Variants in AFDN observed in about 807,000 individuals in gnomAD.
AFDN encodes the protein afadin, adherens junction formation factor.
Under a neutral mutation model 216.6 loss-of-function variants are expected in AFDN, and 68 were observed. That is an observed-to-expected ratio of 0.31 (90% CI 0.26 to 0.38). The LOEUF is 0.38. Among genes scored for constraint, AFDN ranks in the 10% least tolerant of loss-of-function variants. The pLI, the probability that AFDN is intolerant of heterozygous loss-of-function variation, is 1.00. For missense variants in AFDN, 2,136 were observed against 2,342.0 expected, an observed-to-expected ratio of 0.91 and a Z score of 1.82; for synonymous variants, 868 against 853.7, an observed-to-expected ratio of 1.02 and a Z score of -0.29.
At chr6:167,837,009 G>A (rs1346112333) in intron 1 of AFDN, among the ~76,000 whole-genome samples, 3 of 152,142 alleles carry the variant, frequency 2.0e-5, no homozygotes, top group Non-Finnish European at 4.4e-5. Flanking sequence ...TGACTTCAGT[G>A]AGTTCATAGT....
intron 1 of AFDN, among the ~76,000 whole-genome samples, chr6:167,852,022 T>G (rs1185750021): frequency 1.3e-5 from 2 of 152,198 alleles, no homozygotes; most frequent in African/African-American, 2.4e-5. Flanking sequence ...CAGTTTGTCG[T>G]TCTTAATTTT....
intron 30 of AFDN, chr6:167,954,471 C>T: frequency 2.5e-6 from 4 of 1,602,246 alleles, no homozygotes; most frequent in Non-Finnish European, 3.4e-6. Context: ...ACTGCTATGC[C>T]AGCAATCTCT....
chr6:167,885,894 A>G (rs1786738118), intron 6 of AFDN, among the ~76,000 whole-genome samples: 1 of 152,246 alleles, frequency 6.6e-6, no homozygotes, highest in Admixed American at 6.5e-5. Flanking sequence ...CAGATAACAC[A>G]ATGCTGTGTA....
At chr6:167,893,654 G>C (rs1787882571) in intron 8 of AFDN, 1 of 536,120 alleles carries the variant, frequency 1.9e-6, no homozygotes, top group Non-Finnish European at 3.4e-6. Context: ...GTCTGCATTG[G>C]TTTCTAAAAC....
At chr6:167,966,182 A>T (rs768356713) in intron 32 of AFDN, 137 bp downstream of exon 32, 2 of 1,534,496 alleles carry the variant, frequency 1.3e-6, no homozygotes, top group Non-Finnish European at 1.7e-6. Flanking sequence ...AGCCACCCTC[A>T]GCCAAAGCCA....
intron 11 of AFDN, among the ~76,000 whole-genome samples, chr6:167,902,048 G>C (rs1467389184): frequency 6.9e-6 from 1 of 144,192 alleles, no homozygotes; most frequent in Non-Finnish European, 1.5e-5. Context: ...AGCCGAAATT[G>C]TGCTACTGTA....
rs1241235857 is a variant in AFDN at position 167,917,092 on chromosome 6, A to G, written c.2569A>G (p.Thr857Ala). ...TGTCCTTTATTCTTTTACATAGGCAACGACTTTGCTTACCATGGATAAGTA... is the reference window on the plus strand; with the variant it reads ...TGTCCTTTATTCTTTTACATAGGCAGCGACTTTGCTTACCATGGATAAGTA... ...DCHLSRIVQA[T>A]TLLTMDKYAP... Residue 857 changes from threonine to alanine, a missense_variant, in exon 20 of 34, where the codon ACG (threonine) becomes GCG (alanine). Thr to Ala is a moderately conservative substitution (Grantham distance 58). Around this residue, in one of 8 missense-constraint regions of AFDN, gnomAD observed 162 missense variants for 182.6 expected, o/e 0.89. Coordinates refer to ENST00000683244, the MANE Select transcript of AFDN (RefSeq NM_001386888.1). The G allele has an allele frequency of 6.2e-7, 1 of 1,612,476 alleles. No homozygotes were observed. The highest frequency in any genetic ancestry group is 1.7e-5 in the Admixed American group (1 of 59,630).
In AFDN at chr6:167,911,136, C is replaced by T; in HGVS notation, c.1805C>T (p.Pro602Leu). Residue 602 changes from proline (P) to leucine (L), a missense_variant, in exon 14 of 34, where the codon CCT becomes CTT. Coordinates refer to ENST00000683244, the MANE Select transcript of AFDN (RefSeq NM_001386888.1). ...GCTTCTGGGCCTGAGCTGATACTAC[C>T]TGCAAGCATTGAATTCAGGGAAAGT... ...QDASGPELIL[P>L]ASIEFRESSE... 6.2e-7 allele frequency: 1 copy of T among 1,613,892 alleles called. No individual in the cohort carries two copies. The highest frequency in any genetic ancestry group is 8.5e-7 in the Non-Finnish European group (1 of 1,179,894).
intron 1 of AFDN, among the ~76,000 whole-genome samples, chr6:167,857,613 T>C (rs968484296): frequency 6.6e-6 from 1 of 152,122 alleles, no homozygotes; most frequent in African/African-American, 2.4e-5. Flanking sequence ...ATTACATTTG[T>C]ATTTCCAATA....
rs1283306081 is a variant in AFDN at position 167,911,084 on chromosome 6, C to G, written c.1770-17C>G. 1 of 1,606,468 alleles carries G rather than the reference C, an allele frequency of 6.2e-7. No homozygotes were observed. Among genetic ancestry groups the G allele is most frequent in the African/African-American group, 1.3e-5 (1 of 74,418 alleles). On this transcript the variant is annotated splice_polypyrimidine_tract_variant and intron_variant, in intron 13 of 33. Transcript: ENST00000683244. ...CATGTGACCTTATTTTAAGTGATGT[C>G]AGCTTTCTTCTTTTAGAACACAGGA...
Position 167,947,884 on chromosome 6 carries a change from A to T in AFDN, c.3585A>T (p.Ala1195=). Residue 1195 remains alanine, a synonymous_variant, in exon 28 of 34, where the codon GCA becomes GCT. Transcript: ENST00000683244. ...CTCCTAGTCCTGGAGGGAAAAGTGC[A>T]TATGCCTCTGGAACAACAGCGAAGA... ...NQPPSPGGKS[A]YASGTTAKIT... 6.2e-7 allele frequency: 1 copy of T among 1,613,934 alleles called. No homozygotes were observed. Among genetic ancestry groups the T allele is most frequent in the Non-Finnish European group, 8.5e-7 (1 of 1,179,902 alleles).
intron 29 of AFDN, among the ~76,000 whole-genome samples, chr6:167,949,012 A>G (rs1232036258): frequency 6.6e-6 from 1 of 152,226 alleles, no homozygotes; most frequent in Non-Finnish European, 1.5e-5. Flanking sequence ...GTAGAGGGGA[A>G]AGGGGTGGCA....
chr6:167,934,515 G>A (rs77245885), intron 23 of AFDN, among the ~76,000 whole-genome samples: 3,866 of 152,292 alleles, frequency 0.025, 71 homozygotes, highest in Non-Finnish European at 0.033. Flanking sequence ...ACCCAGAGGA[G>A]AGCAGCGAGC....
chr6:167,963,247 GC>G, intron 31 of AFDN: 4 of 1,063,138 alleles, frequency 3.8e-6, no homozygotes, highest in Non-Finnish European at 1.1e-6. Flanking sequence ...TGTGTGTGTG[GC>G]CGACGCCCTC....
chr6:167,930,534 C>A (rs978564910), intron 23 of AFDN, among the ~76,000 whole-genome samples: 2 of 152,212 alleles, frequency 1.3e-5, no homozygotes, highest in Non-Finnish European at 2.9e-5. Flanking sequence ...GCAGCGGGCC[C>A]TGTGCACAGG....
At chr6:167,949,454 C>G (rs1266253594) in intron 29 of AFDN, among the ~76,000 whole-genome samples, 1 of 152,134 alleles carries the variant, frequency 6.6e-6, no homozygotes, top group Non-Finnish European at 1.5e-5. Flanking sequence ...TTTCTGACGG[C>G]AGAAAATGCT....
intron 32 of AFDN, among the ~76,000 whole-genome samples, chr6:167,967,630 C>T (rs77910702): frequency 3.2e-4 from 49 of 152,206 alleles, no homozygotes; most frequent in African/African-American, 1.1e-3. Flanking sequence ...AATGAGGTGT[C>T]ACTACTCACC....
At chr6:167,866,229 T>C (rs906873800) in intron 2 of AFDN, among the ~76,000 whole-genome samples, 2 of 152,224 alleles carry the variant, frequency 1.3e-5, no homozygotes, top group African/African-American at 4.8e-5. Context: ...AATTTGATTT[T>C]TTAAAGAAAA....
intron 18 of AFDN, 54 bp from the exon 19 acceptor site, chr6:167,915,114 G>C (rs1790880372): frequency 1.3e-6 from 2 of 1,587,064 alleles, no homozygotes; most frequent in Non-Finnish European, 8.6e-7. Flanking sequence ...ACATTCAAAG[G>C]CTTCTTCCTG....
Sources: allele counts gnomAD v4.1 joint callset (sites outside exome capture counted in the v4.1 genomes callset), GRCh38; gene constraint gnomAD v4.1.1; regional missense constraint gnomAD v4.1.1; transcripts MANE v1.5; gene names NCBI Gene and HGNC (gene_info 2026-07-23, HGNC 2026-07-21).